PGCKA1: variants seen among roughly 807,000 people sequenced by gnomAD.
The protein encoded by PGCKA1 is PDCD10 and GCKIII kinases associated 1, also known as PDCD10 and GCKIII kinases-associated protein 1.
the PGCKA1 span, among the ~76,000 whole-genome samples, chr4:37,493,362 T>A: frequency 6.6e-6 from 1 of 152,218 alleles, no homozygotes; most frequent in African/African-American, 2.4e-5. Flanking sequence ...CTAATTCATT[T>A]GTGAACACAA....
chr4:37,493,306 G>A, the PGCKA1 span, among the ~76,000 whole-genome samples: 1 of 152,084 alleles, frequency 6.6e-6, no homozygotes, highest in Non-Finnish European at 1.5e-5. Flanking sequence ...CTAATTCATG[G>A]TGAATTACAG....
At chr4:37,553,940 C>T in the PGCKA1 span, among the ~76,000 whole-genome samples, 80 of 152,268 alleles carry the variant, frequency 5.3e-4, no homozygotes, top group East Asian at 5.2e-3. Context: ...TAATCCAAGA[C>T]GGAAAGTGAT....
chr4:37,534,828 A>G, the PGCKA1 span, among the ~76,000 whole-genome samples: 1 of 152,124 alleles, frequency 6.6e-6, no homozygotes, highest in Non-Finnish European at 1.5e-5. Flanking sequence ...ACATTTCCAC[A>G]CTTGGGTTTA....
chr4:37,540,549 T>C, the PGCKA1 span, among the ~76,000 whole-genome samples: 5 of 152,344 alleles, frequency 3.3e-5, no homozygotes, highest in South Asian at 1.0e-3. Context: ...CATTCCTCTT[T>C]GATCATTACT....
the PGCKA1 span, among the ~76,000 whole-genome samples, chr4:37,477,516 ATACT>A: frequency 6.6e-6 from 1 of 152,224 alleles, no homozygotes; most frequent in Non-Finnish European, 1.5e-5. Context: ...AAAAATTGAA[ATACT>A]TTATTTAAAT....
chr4:37,474,106 A>G, the PGCKA1 span, among the ~76,000 whole-genome samples: 1 of 152,102 alleles, frequency 6.6e-6, no homozygotes, highest in Non-Finnish European at 1.5e-5. Flanking sequence ...TTAATCCTCA[A>G]TGCAACAGTT....
the PGCKA1 span, among the ~76,000 whole-genome samples, chr4:37,526,414 C>T: frequency 6.6e-6 from 1 of 152,182 alleles, no homozygotes; most frequent in East Asian, 1.9e-4. Context: ...CCTCAGTGGA[C>T]TACAAACCTT....
chr4:37,495,669 C>T, the PGCKA1 span, among the ~76,000 whole-genome samples: 67 of 152,070 alleles, frequency 4.4e-4, 1 homozygote, highest in Non-Finnish European at 6.3e-4. Flanking sequence ...TTAGAACACA[C>T]GGACACAGGG....
the PGCKA1 span, among the ~76,000 whole-genome samples, chr4:37,587,785 G>A: frequency 1.3e-5 from 2 of 152,020 alleles, no homozygotes; most frequent in Non-Finnish European, 2.9e-5. Flanking sequence ...CATGGCCAAC[G>A]TGGCAAAACC....
At chr4:37,541,225 G>C in the PGCKA1 span, among the ~76,000 whole-genome samples, 1 of 152,052 alleles carries the variant, frequency 6.6e-6, no homozygotes, top group Non-Finnish European at 1.5e-5. Context: ...CTCCCATCAT[G>C]CTTCCTTTTC....
the PGCKA1 span, among the ~76,000 whole-genome samples, chr4:37,480,349 C>T: frequency 1.3e-5 from 2 of 152,094 alleles, no homozygotes; most frequent in South Asian, 2.1e-4. Context: ...AAAAATTAGC[C>T]GGGTATGCTG....
chr4:37,563,226 TCTAGA>T, the PGCKA1 span, among the ~76,000 whole-genome samples: 2 of 152,160 alleles, frequency 1.3e-5, no homozygotes, highest in Non-Finnish European at 2.9e-5. Flanking sequence ...AACAAAATAC[TCTAGA>T]CTGGGTGGCT....
chr4:37,543,371 G>T, the PGCKA1 span, among the ~76,000 whole-genome samples: 5 of 152,104 alleles, frequency 3.3e-5, no homozygotes, highest in Admixed American at 2.0e-4. Context: ...CCAGGGAGTG[G>T]ATTACCATTA....
At chr4:37,556,348 A>G in the PGCKA1 span, among the ~76,000 whole-genome samples, 1 of 151,772 alleles carries the variant, frequency 6.6e-6, no homozygotes, top group East Asian at 1.9e-4. Flanking sequence ...GCTCACTGCA[A>G]CCTCTGTCCC....
chr4:37,508,679 G>T, the PGCKA1 span, among the ~76,000 whole-genome samples: 18 of 42,984 alleles, frequency 4.2e-4, 1 homozygote, highest in South Asian at 9.3e-4. Context: ...TTTTTTTGCT[G>T]AATCTTTTTT....
chr4:37,546,352 C>G, the PGCKA1 span, among the ~76,000 whole-genome samples: 1,011 of 152,294 alleles, frequency 6.6e-3, 13 homozygotes, highest in African/African-American at 0.023. Context: ...TAAAAGTCAA[C>G]TCATGACTTA....
the PGCKA1 span, among the ~76,000 whole-genome samples, chr4:37,494,880 T>C: frequency 6.6e-6 from 1 of 152,270 alleles, no homozygotes; most frequent in East Asian, 1.9e-4. Context: ...TGATCAGTAA[T>C]ATTGGGCTTT....
chr4:37,557,634 T>C, the PGCKA1 span, among the ~76,000 whole-genome samples: 1 of 152,224 alleles, frequency 6.6e-6, no homozygotes, highest in Non-Finnish European at 1.5e-5. Context: ...ACACTGGGGA[T>C]TGGTTTCAAC....
the PGCKA1 span, among the ~76,000 whole-genome samples, chr4:37,560,413 G>C: frequency 6.7e-6 from 1 of 149,134 alleles, no homozygotes; most frequent in African/African-American, 2.5e-5. Context: ...GACCAGGGTA[G>C]TAACCCACAT....
Sources: allele counts gnomAD v4.1 joint callset (sites outside exome capture counted in the v4.1 genomes callset), GRCh38; gene constraint gnomAD v4.1.1; transcripts MANE v1.5; gene names NCBI Gene and HGNC (gene_info 2026-07-23, HGNC 2026-07-21).